The following PDGFRA variants were observed in gnomAD, a reference collection of about 807,000 sequenced individuals.
PDGFRA encodes platelet-derived growth factor receptor alpha.
A neutral mutation model predicts 121.5 loss-of-function variants in PDGFRA; 25 were observed. That is an observed-to-expected ratio of 0.21 (90% CI 0.15 to 0.29). PDGFRA has a LOEUF of 0.29. PDGFRA is among the 10% of genes least tolerant of loss of function. The probability of loss-of-function intolerance (pLI) is 1.00; values close to 1 mark genes in which losing one functional copy is unlikely to be tolerated. For synonymous variants in PDGFRA, 463 were observed against 494.8 expected (o/e 0.94, Z 0.85); for missense variants, 1,008 against 1,345.1 (o/e 0.75, Z 3.92).
At chr4:54,243,631 C>G in intron 1 of PDGFRA, 1 of 152,516 alleles carries the variant, frequency 6.6e-6, no homozygotes, top group Non-Finnish European at 1.5e-5. Flanking sequence ...CTCCCAGCAT[C>G]AGCGATGCAG....
At position 54,272,438 on chromosome 4, in the gene PDGFRA, A is replaced by G. The variant is rs878854820; in HGVS notation, c.1282A>G (p.Thr428Ala). ...CTTGGTCGATGATCACCATGGCTCA[A>G]CTGGGGGACAGACGGTGAGGTGCAC... ...LDLVDDHHGS[T>A]GGQTVRCTAE... The change falls in exon 9 of 23, where the codon ACT (threonine) becomes GCT (alanine). Residue 428 changes from threonine to alanine, a missense_variant. Thr to Ala is a moderately conservative substitution (Grantham distance 58). Around this residue, in one of 5 missense-constraint regions of PDGFRA, gnomAD observed 575 missense variants for 701.8 expected, o/e 0.82. Coordinates refer to ENST00000257290, the MANE Select transcript of PDGFRA (RefSeq NM_006206.6). The G allele has an allele frequency of 7.4e-6, 12 of 1,613,954 alleles. No individual in the cohort carries two copies. Among genetic ancestry groups the G allele is most frequent in the African/African-American group, 2.7e-5 (2 of 74,936 alleles).
intron 2 of PDGFRA, 101 bp from the exon 3 acceptor site, chr4:54,260,994 G>C (rs960800054): frequency 7.7e-6 from 8 of 1,045,574 alleles, no homozygotes; most frequent in Non-Finnish European, 1.2e-5. Context: ...GTGTAGAAAT[G>C]GTCATTGTTC....
chr4:54,246,862 C>CA (rs201183794), intron 1 of PDGFRA, among the ~76,000 whole-genome samples: 27,439 of 143,126 alleles, frequency 0.19, 2,690 homozygotes, highest in Admixed American at 0.31. Flanking sequence ...CAAATAGACG[C>CA]AAAAAAAAAA....
At chr4:54,234,089 C>A (rs1158314260) in intron 1 of PDGFRA, among the ~76,000 whole-genome samples, 3 of 152,206 alleles carry the variant, frequency 2.0e-5, no homozygotes, top group Non-Finnish European at 4.4e-5. Flanking sequence ...CCTCTGCGGC[C>A]TAGCCCAGCA....
chr4:54,242,029 T>C (rs1721329331), intron 1 of PDGFRA, among the ~76,000 whole-genome samples: 1 of 152,192 alleles, frequency 6.6e-6, no homozygotes, highest in African/African-American at 2.4e-5. Flanking sequence ...CTTGAAAAGG[T>C]ATAGCCTTTG....
At chr4:54,246,182 G>A (rs1392366046) in intron 1 of PDGFRA, among the ~76,000 whole-genome samples, 1 of 152,008 alleles carries the variant, frequency 6.6e-6, no homozygotes, top group Non-Finnish European at 1.5e-5. Context: ...AACAAAGATA[G>A]CCAGGAATTG....
chr4:54,287,601 G>C, intron 19 of PDGFRA, 60 bp downstream of exon 19: 1 of 801,174 alleles, frequency 1.2e-6, no homozygotes, highest in South Asian at 1.3e-5. Context: ...GAAGGAAAAT[G>C]TGTTCTTTCA....
At chr4:54,280,618 A>G in intron 16 of PDGFRA, 136 bp downstream of exon 16, 1 of 706,026 alleles carries the variant, frequency 1.4e-6, no homozygotes, top group South Asian at 1.5e-5. Context: ...GCAGGTCTGC[A>G]CAACCAGTTC....
chr4:54,245,413 A>G (rs866633336), intron 1 of PDGFRA, among the ~76,000 whole-genome samples: 120 of 152,028 alleles, frequency 7.9e-4, no homozygotes, highest in African/African-American at 2.5e-3. Context: ...AATATTCAAC[A>G]TTCTTAAAGA....
At position 54,270,660 on chromosome 4, in the gene PDGFRA, T is replaced by A. The variant is rs1217827216; in HGVS notation, c.1149T>A (p.Arg383=). 1.2e-6 allele frequency: 2 copies of A among 1,611,048 alleles called. No homozygotes were observed. The highest frequency in any genetic ancestry group is 1.3e-5 in the African/African-American group (1 of 74,984). The change falls in exon 8 of 23, where the codon CGT becomes CGA. Residue 383 remains arginine, a synonymous_variant. Coordinates refer to ENST00000257290, the MANE Select transcript of PDGFRA (RefSeq NM_006206.6). ...IRYRSKLKLI[R]AKEEDSGHYT... ...ATCGAAGCAAATTAAAGCTGATCCGTGCTAAGGAAGAAGACAGTGGCCATT... is the reference window on the plus strand; with the variant it reads ...ATCGAAGCAAATTAAAGCTGATCCGAGCTAAGGAAGAAGACAGTGGCCATT...
chr4:54,267,248 C>T (rs749265786), intron 5 of PDGFRA, 41 bp from the exon 6 acceptor site: 27 of 1,586,042 alleles, frequency 1.7e-5, no homozygotes, highest in South Asian at 7.7e-5. Context: ...CTCCTAGGAG[C>T]GAGCTTTTTA....
intron 19 of PDGFRA, among the ~76,000 whole-genome samples, chr4:54,287,947 C>T (rs1311567807): frequency 6.6e-6 from 1 of 152,036 alleles, no homozygotes; most frequent in Non-Finnish European, 1.5e-5. Flanking sequence ...GGGTACGTGG[C>T]GGGAAGGGCA....
intron 1 of PDGFRA, among the ~76,000 whole-genome samples, chr4:54,241,268 T>C (rs1318416888): frequency 6.6e-6 from 1 of 151,898 alleles, no homozygotes; most frequent in Non-Finnish European, 1.5e-5. Flanking sequence ...TGGAGAGAGA[T>C]GTGAGGAAAG....
At chr4:54,274,402 C>T in intron 10 of PDGFRA, 129 bp from the exon 11 acceptor site, 1 of 737,184 alleles carries the variant, frequency 1.4e-6, no homozygotes, top group Non-Finnish European at 2.4e-6. Context: ...CTAAAATGAA[C>T]CAGGCAGCCC....
chr4:54,232,712 G>C (rs1415527991), intron 1 of PDGFRA, among the ~76,000 whole-genome samples: 1 of 152,202 alleles, frequency 6.6e-6, no homozygotes, highest in Non-Finnish European at 1.5e-5. Context: ...AGCCTCCCGA[G>C]TAACTGGGAT....
chr4:54,286,967 C>T (rs10020847), intron 18 of PDGFRA, among the ~76,000 whole-genome samples: 30,494 of 152,072 alleles, frequency 0.2, 3,628 homozygotes, highest in African/African-American at 0.32. Context: ...TGTGAGACAG[C>T]TTATGGCAGC....
intron 1 of PDGFRA, among the ~76,000 whole-genome samples, chr4:54,254,811 A>G (rs576816509): frequency 1.8e-4 from 28 of 152,332 alleles, no homozygotes; most frequent in African/African-American, 6.5e-4. Flanking sequence ...CATCCCAGGC[A>G]CATGCCGGGC....
chr4:54,251,191 AG>A (rs766507736), intron 1 of PDGFRA, among the ~76,000 whole-genome samples: 2 of 152,192 alleles, frequency 1.3e-5, no homozygotes, highest in Non-Finnish European at 2.9e-5. Context: ...GCCCAATATC[AG>A]GCAAAACAAG....
chr4:54,244,382 T>C (rs1447510722), intron 1 of PDGFRA, among the ~76,000 whole-genome samples: 3 of 152,184 alleles, frequency 2.0e-5, no homozygotes, highest in East Asian at 3.9e-4. Flanking sequence ...TCCAGAGGAA[T>C]GATCAGACAG....
Sources: allele counts gnomAD v4.1 joint callset (sites outside exome capture counted in the v4.1 genomes callset), GRCh38; gene constraint gnomAD v4.1.1; regional missense constraint gnomAD v4.1.1; transcripts MANE v1.5; gene names NCBI Gene and HGNC (gene_info 2026-07-23, HGNC 2026-07-21).